Variants in DCDC1 observed in about 807,000 individuals in gnomAD.
DCDC1 encodes doublecortin domain containing 1.
In DCDC1, 200 loss-of-function variants were observed where a neutral mutation model predicts 178.3. The observed-to-expected ratio is 1.12, with a 90% CI of 1.00 to 1.26. The LOEUF is 1.26. Ranked by LOEUF, DCDC1 falls within the 50% of genes most tolerant of loss-of-function variation. The pLI is 0.00. For missense variants in DCDC1, 1,983 were observed against 1,749.2 expected (o/e 1.13, Z -2.38); for synonymous variants, 690 against 604.8 (o/e 1.14, Z -2.07).
intron 21 of DCDC1, among the ~76,000 whole-genome samples, chr11:30,936,209 T>C (rs1162440192): frequency 6.6e-6 from 1 of 152,120 alleles, no homozygotes; most frequent in African/African-American, 2.4e-5. Context: ...TAAAAATTGG[T>C]CCTTGGTTTC....
chr11:30,906,508 C>T lies in DCDC1; in HGVS notation c.4104+32G>A. 3 of 1,574,778 alleles carry T rather than the reference C, an allele frequency of 1.9e-6. No homozygotes were observed. In the South Asian group the frequency reaches 3.5e-5, roughly 18 times the overall value. On this transcript the variant is annotated intron_variant, in intron 30 of 38. Coordinates refer to ENST00000684477, the MANE Select transcript of DCDC1 (RefSeq NM_001387274.1). Reference sequence around the variant, plus strand: ...TCAAAGTTTCCAAATTGTTGCCATACATGCATTAGCAGAGCTCAGATCATT... The same window carrying T: ...TCAAAGTTTCCAAATTGTTGCCATATATGCATTAGCAGAGCTCAGATCATT...
chr11:31,041,828 T>C (rs772140691), intron 20 of DCDC1, among the ~76,000 whole-genome samples: 6 of 152,192 alleles, frequency 3.9e-5, no homozygotes, highest in African/African-American at 7.2e-5. Context: ...ATGACCTTTA[T>C]GGAGAAATCA....
intron 20 of DCDC1, among the ~76,000 whole-genome samples, chr11:31,037,432 CTTTT>C (rs398055131): frequency 1.2e-4 from 7 of 58,908 alleles, no homozygotes; most frequent in African/African-American, 3.9e-4. Context: ...ATATTTCTTT[CTTTT>C]TTTTTTTTTT....
At chr11:31,055,379 G>A (rs1955518288) in intron 20 of DCDC1, among the ~76,000 whole-genome samples, 1 of 152,168 alleles carries the variant, frequency 6.6e-6, no homozygotes, top group Admixed American at 6.5e-5. Context: ...CTACACTGCT[G>A]GTGGGAATGT....
At chr11:31,303,787 A>C (rs1467517565) in intron 6 of DCDC1, among the ~76,000 whole-genome samples, 1 of 152,108 alleles carries the variant, frequency 6.6e-6, no homozygotes, top group African/African-American at 2.4e-5. Flanking sequence ...TCTGTGTCCA[A>C]GCTCACCTAC....
intron 20 of DCDC1, among the ~76,000 whole-genome samples, chr11:30,985,242 G>A (rs1207845099): frequency 1.3e-5 from 2 of 152,102 alleles, no homozygotes; most frequent in Non-Finnish European, 2.9e-5. Context: ...AATGAAAAAA[G>A]AAAGCTTCAG....
intron 7 of DCDC1, among the ~76,000 whole-genome samples, chr11:31,267,021 A>G (rs778261159): frequency 6.6e-6 from 1 of 152,172 alleles, no homozygotes; most frequent in Non-Finnish European, 1.5e-5. Context: ...CCTATACATA[A>G]CTAATCATGT....
At chr11:30,971,525 T>TAA (rs34238283) in intron 20 of DCDC1, among the ~76,000 whole-genome samples, 3 of 146,974 alleles carry the variant, frequency 2.0e-5, no homozygotes, top group East Asian at 2.0e-4. Flanking sequence ...TTGAATGACA[T>TAA]AAAAAAATAC....
chr11:31,054,928 T>A (rs1195563264), intron 20 of DCDC1, among the ~76,000 whole-genome samples: 1 of 152,022 alleles, frequency 6.6e-6, no homozygotes, highest in Non-Finnish European at 1.5e-5. Context: ...TTGGCTTAGG[T>A]AAGGATTTCA....
At chr11:31,208,257 T>C (rs286651) in intron 9 of DCDC1, among the ~76,000 whole-genome samples, 106,321 of 151,998 alleles carry the variant, frequency 0.7, 38,289 homozygotes, top group East Asian at 0.96. Flanking sequence ...TCACCCCAGT[T>C]TTCTTTATTC....
chr11:31,064,951 A>G (rs928781153), intron 19 of DCDC1, 68 bp downstream of exon 19: 5 of 647,128 alleles, frequency 7.7e-6, no homozygotes, highest in Admixed American at 2.6e-5. Flanking sequence ...CAACTTGAAC[A>G]TTTTTTCTTT....
intron 27 of DCDC1, among the ~76,000 whole-genome samples, chr11:30,914,314 G>T (rs1945667195): frequency 6.6e-6 from 1 of 152,258 alleles, no homozygotes; most frequent in Non-Finnish European, 1.5e-5. Flanking sequence ...AGTGAGCAGA[G>T]TAAGACCAGC....
At chr11:31,191,230 A>G (rs553229148) in intron 9 of DCDC1, among the ~76,000 whole-genome samples, 1 of 152,174 alleles carries the variant, frequency 6.6e-6, no homozygotes, top group African/African-American at 2.4e-5. Flanking sequence ...TTTTTGATCC[A>G]TGGTTGGCTG....
intron 25 of DCDC1, among the ~76,000 whole-genome samples, chr11:30,920,537 C>T (rs1946173853): frequency 6.6e-6 from 1 of 152,116 alleles, no homozygotes; most frequent in African/African-American, 2.4e-5. Context: ...AAAATTCTAG[C>T]CTCTTAAAAA....
chr11:31,281,023 G>A (rs566219500), intron 7 of DCDC1: 21 of 537,792 alleles, frequency 3.9e-5, no homozygotes, highest in African/African-American at 1.7e-4. Context: ...GAAGGTTCCC[G>A]CTCTGAAGCT....
chr11:31,109,837 A>G (rs1003101077), intron 12 of DCDC1, among the ~76,000 whole-genome samples: 1 of 152,182 alleles, frequency 6.6e-6, no homozygotes, highest in Non-Finnish European at 1.5e-5. Flanking sequence ...CTAAGATGTA[A>G]GCAAAACTAG....
intron 36 of DCDC1, among the ~76,000 whole-genome samples, chr11:30,889,616 C>A (rs536878211): frequency 6.6e-6 from 1 of 152,032 alleles, no homozygotes; most frequent in African/African-American, 2.4e-5. Context: ...AGCCTGACAG[C>A]GTGAAAGGAT....
intron 2 of DCDC1, among the ~76,000 whole-genome samples, chr11:31,328,691 G>A (rs1205588112): frequency 6.6e-6 from 1 of 151,584 alleles, no homozygotes; most frequent in Non-Finnish European, 1.5e-5. Flanking sequence ...GGTGCCTGTA[G>A]TCCCAGCTAC....
chr11:31,231,427 A>C (rs1222099860), intron 9 of DCDC1, among the ~76,000 whole-genome samples: 1 of 152,156 alleles, frequency 6.6e-6, no homozygotes, highest in African/African-American at 2.4e-5. Flanking sequence ...GATATGCCAG[A>C]ATAGACTCAG....
Sources: allele counts gnomAD v4.1 joint callset (sites outside exome capture counted in the v4.1 genomes callset), GRCh38; gene constraint gnomAD v4.1.1; transcripts MANE v1.5; gene names NCBI Gene and HGNC (gene_info 2026-07-23, HGNC 2026-07-21).